The following ARIH1 variants were observed in gnomAD, a reference collection of about 807,000 sequenced individuals.
ARIH1 encodes E3 ubiquitin-protein ligase ARIH1.
A neutral mutation model predicts 85.0 loss-of-function variants in ARIH1; 8 were observed. The observed-to-expected ratio is 0.09, with a 90% CI of 0.06 to 0.17. ARIH1 has a LOEUF of 0.17. Among genes scored for constraint, ARIH1 ranks in the 10% least tolerant of loss-of-function variants. ARIH1 has a pLI of 1.00. For synonymous variants in ARIH1, 238 were observed against 253.6 expected (o/e 0.94, Z 0.59); for missense variants, 311 against 718.1 (o/e 0.43, Z 6.48).
chr15:72,544,570 A>T (rs2064120905), intron 2 of ARIH1, among the ~76,000 whole-genome samples: 1 of 152,114 alleles, frequency 6.6e-6, no homozygotes, highest in East Asian at 1.9e-4. Flanking sequence ...ACACACACAC[A>T]CACTCATATA....
chr15:72,481,679 C>G (rs1456605397), intron 1 of ARIH1, among the ~76,000 whole-genome samples: 2 of 151,670 alleles, frequency 1.3e-5, no homozygotes, highest in East Asian at 3.9e-4. Flanking sequence ...GAGGGAGACT[C>G]TACTTCAAAA....
intron 1 of ARIH1, among the ~76,000 whole-genome samples, chr15:72,484,719 GTA>G (rs1227171414): frequency 1.3e-5 from 2 of 149,628 alleles, no homozygotes; most frequent in Admixed American, 6.7e-5. Flanking sequence ...ATACGTATAT[GTA>G]TGTGTGTGTA....
At position 72,587,422 on chromosome 15, in the gene ARIH1, T is replaced by C. The variant is rs963087987; in HGVS notation, c.*4130T>C. 2 of 344,684 alleles carry C rather than the reference T, an allele frequency of 5.8e-6. No homozygotes were observed. The highest frequency in any genetic ancestry group is 1.1e-5 in the Non-Finnish European group (2 of 174,768). The allele number at this position is 344,684 out of a possible 1,614,324, so 21.4% of individuals were successfully genotyped here. On this transcript the variant is annotated 3_prime_UTR_variant, in exon 14 of 14. Coordinates refer to ENST00000379887, the MANE Select transcript of ARIH1 (RefSeq NM_005744.5). Reference sequence around the variant, plus strand: ...TCATTTGTTGCAGTTTGCAACACAGTAGTTGAGAATAAGTGGTTTAGTATG... The same window carrying C: ...TCATTTGTTGCAGTTTGCAACACAGCAGTTGAGAATAAGTGGTTTAGTATG...
At position 72,539,666 on chromosome 15, in the gene ARIH1, T is replaced by C. The variant is rs1338369241; in HGVS notation, c.444-5154T>C. On this transcript the variant is annotated intron_variant, in intron 2 of 13. Transcript: ENST00000379887. ...CTAAAGGATCTTGAGGTAATTAATA[T>C]CCAAATGACATTTCAAAAGAGAAAG... Among the ~76,000 whole-genome samples, 3 of 152,152 alleles carry C rather than the reference T, an allele frequency of 2.0e-5. No homozygotes were observed. In the East Asian group the frequency reaches 5.8e-4, roughly 29 times the overall value.
At chr15:72,487,563 GC>G (rs1365284089) in intron 1 of ARIH1, among the ~76,000 whole-genome samples, 3 of 152,156 alleles carry the variant, frequency 2.0e-5, no homozygotes, top group African/African-American at 7.2e-5. Context: ...TCTCTTTGAG[GC>G]TTTTCCCCCT....
Position 72,595,869 on chromosome 15 carries a change from T to G in ARIH1, c.*12577T>G, listed in dbSNP as rs1246630547. The G allele has an allele frequency of 1.3e-5, 2 of 148,772 alleles. No individual in the cohort carries two copies. The highest frequency in any genetic ancestry group is 2.5e-5 in the African/African-American group (1 of 40,730). 9.2% of individuals were successfully genotyped at this position (148,772 alleles called of 1,614,324 possible). The stretch of plus-strand genomic sequence containing the variant: ...TTTTGAGACTGAGTCTTGCTCTATC[T>G]CCCAGGCTGTGGTGCAGTGGTGCAA... On this transcript the variant is annotated 3_prime_UTR_variant, in exon 14 of 14. Transcript: ENST00000379887.
chr15:72,571,762 A>T (rs1299092146), intron 10 of ARIH1, among the ~76,000 whole-genome samples: 1 of 152,214 alleles, frequency 6.6e-6, no homozygotes, highest in Non-Finnish European at 1.5e-5. Context: ...AGGAATTCAG[A>T]CAGTCAATAA....
intron 2 of ARIH1, among the ~76,000 whole-genome samples, chr15:72,521,750 T>A (rs1482369604): frequency 6.6e-6 from 1 of 152,114 alleles, no homozygotes; most frequent in Non-Finnish European, 1.5e-5. Context: ...GGTTTCACCA[T>A]GTTGGCCAGG....
At position 72,555,355 on chromosome 15, in the gene ARIH1, A is replaced by T; in HGVS notation, c.673A>T (p.Met225Leu). Residue 225 changes from methionine (M) to leucine (L), a missense_variant, in exon 4 of 14, where the codon ATG becomes TTG. Around this residue, in one of 3 missense-constraint regions of ARIH1, gnomAD observed 104 missense variants for 221.4 expected, o/e 0.47. Coordinates refer to ENST00000379887, the MANE Select transcript of ARIH1 (RefSeq NM_005744.5). ...AACTACCAAAATAATGGAAGAAGGC[A>T]TGGGTCAGGTAAAGATATCAAGTTG... Reference protein sequence around the residue: ...YLTTKIMEEGMGQTISCPAHG... With the variant: ...YLTTKIMEEGLGQTISCPAHG... 2 of 1,610,666 alleles carry T rather than the reference A, an allele frequency of 1.2e-6. No homozygotes were observed. Among genetic ancestry groups the T allele is most frequent in the Non-Finnish European group, 1.7e-6 (2 of 1,176,974 alleles).
At chr15:72,549,191 G>A (rs889283184) in intron 3 of ARIH1, among the ~76,000 whole-genome samples, 1 of 151,108 alleles carries the variant, frequency 6.6e-6, no homozygotes, top group Non-Finnish European at 1.5e-5. Flanking sequence ...AGTTTCAAGC[G>A]ATTCTCCTGC....
rs937668429 is a variant in ARIH1 at position 72,587,061 on chromosome 15, T to C, written c.*3769T>C. On this transcript the variant is annotated 3_prime_UTR_variant, in exon 14 of 14. Coordinates refer to ENST00000379887, the MANE Select transcript of ARIH1 (RefSeq NM_005744.5). ...ACAATTTAATTTACTCTTATTTGGA[T>C]CTGTAATTATGGGAGTTTATCACTT... The C allele has an allele frequency of 1.4e-4, 54 of 393,662 alleles. No individual in the cohort carries two copies. Among genetic ancestry groups the C allele is most frequent in the Admixed American group, 2.9e-4 (8 of 27,790 alleles). 24.4% of individuals were successfully genotyped at this position (393,662 alleles called of 1,614,324 possible).
At chr15:72,503,371 T>C (rs577356946) in intron 1 of ARIH1, among the ~76,000 whole-genome samples, 1 of 152,318 alleles carries the variant, frequency 6.6e-6, no homozygotes, top group South Asian at 2.1e-4. Flanking sequence ...TAGCTGGGTA[T>C]TTAGAGGCAG....
intron 2 of ARIH1, among the ~76,000 whole-genome samples, chr15:72,540,952 C>T (rs1008460282): frequency 2.8e-4 from 43 of 152,216 alleles, no homozygotes; most frequent in African/African-American, 7.7e-4. Flanking sequence ...TTGATGTGAT[C>T]GGACCCAACA....
intron 10 of ARIH1, among the ~76,000 whole-genome samples, chr15:72,571,083 C>T (rs1044707694): frequency 1.9e-4 from 25 of 128,454 alleles, no homozygotes; most frequent in Non-Finnish European, 3.3e-4. Flanking sequence ...GAACCAAGAT[C>T]GCCCCATTGC....
intron 10 of ARIH1, among the ~76,000 whole-genome samples, chr15:72,571,235 T>G (rs901872350): frequency 1.3e-5 from 2 of 151,896 alleles, no homozygotes; most frequent in South Asian, 2.1e-4. Context: ...GGCAAAAGTT[T>G]AAGCTCTGAA....
intron 3 of ARIH1, among the ~76,000 whole-genome samples, chr15:72,551,629 G>T (rs1299897348): frequency 6.6e-6 from 1 of 152,184 alleles, no homozygotes; most frequent in Non-Finnish European, 1.5e-5. Flanking sequence ...AAAAGTTAAT[G>T]AATTCACAAG....
intron 2 of ARIH1, among the ~76,000 whole-genome samples, chr15:72,527,515 T>TA (rs1039933705): frequency 1.3e-5 from 2 of 152,110 alleles, no homozygotes; most frequent in African/African-American, 2.4e-5. Flanking sequence ...TTTTTTTTTT[T>TA]ATCTCCGTAT....
chr15:72,496,700 T>G, intron 1 of ARIH1: 1 of 623,034 alleles, frequency 1.6e-6, no homozygotes, highest in Non-Finnish European at 2.0e-6. Context: ...TCCCCACCCC[T>G]TTATATATAC....
chr15:72,502,847 A>G lies in ARIH1; in HGVS notation c.376-15220A>G, dbSNP rs571310289. Among the ~76,000 whole-genome samples, 6 of 152,264 alleles carry G rather than the reference A, an allele frequency of 3.9e-5. No homozygotes were observed. In the South Asian group the frequency reaches 1.2e-3, roughly 32 times the overall value. On this transcript the variant is annotated intron_variant, in intron 1 of 13. Coordinates refer to ENST00000379887, the MANE Select transcript of ARIH1 (RefSeq NM_005744.5). The stretch of plus-strand genomic sequence containing the variant: ...AAAAAAAGAGTGATGAAGGTATGAC[A>G]TTCCTGCCTGCTGAAGTAATCTGAG...
Sources: allele counts gnomAD v4.1 joint callset (sites outside exome capture counted in the v4.1 genomes callset), GRCh38; gene constraint gnomAD v4.1.1; regional missense constraint gnomAD v4.1.1; transcripts MANE v1.5; gene names NCBI Gene and HGNC (gene_info 2026-07-23, HGNC 2026-07-21).